SEMA5A: variants seen among roughly 807,000 people sequenced by gnomAD.
The protein encoded by SEMA5A is semaphorin 5A, also known as semaphorin-5A.
SEMA5A carries 55 observed loss-of-function variants against 135.5 expected under a neutral mutation model. That is an observed-to-expected ratio of 0.41 (90% confidence interval 0.33 to 0.51). SEMA5A has a LOEUF of 0.51. Ranked by LOEUF, SEMA5A falls within the 20% of genes least tolerant of loss-of-function variation. The pLI is 0.37. For missense variants in SEMA5A, 1,290 were observed against 1,419.9 expected (o/e 0.91, Z 1.47); for synonymous variants, 580 against 546.5 (o/e 1.06, Z -0.85).
Position 9,527,093 on chromosome 5 carries a change from G to A in SEMA5A, c.-175+18491C>T, listed in dbSNP as rs990453002. ...AGGGAAACACAAGGGATAGTGCAGC[G>A]ACAGGGCTAGTCACAGTGGGCTCAG... On this transcript the variant is annotated intron_variant, in intron 1 of 22. Transcript: ENST00000382496. 4.6e-5 allele frequency among the ~76,000 whole-genome samples: 7 copies of A among 152,244 alleles called. No homozygotes were observed. The East Asian group carries it at 7.8e-4, about 17-fold the overall frequency.
Position 9,038,743 on chromosome 5 carries a change from T to TTC in SEMA5A, c.*4153_*4154insGA. On this transcript the variant is annotated 3_prime_UTR_variant, in exon 23 of 23. Coordinates refer to ENST00000382496, the MANE Select transcript of SEMA5A (RefSeq NM_003966.3). ...CTAAGACTTTGTTCTTTTTTTTTTT[T>TTC]TTTGAGACAGGGTCTCTCTCTGTCA... 6.6e-6 allele frequency: 1 copy of TTC among 151,450 alleles called. No homozygotes were observed. Among genetic ancestry groups the TTC allele is most frequent in the African/African-American group, 2.4e-5 (1 of 41,248 alleles). The allele number at this position is 151,450 out of a possible 1,614,324, so 9.4% of individuals were successfully genotyped here.
intron 11 of SEMA5A, among the ~76,000 whole-genome samples, chr5:9,188,296 A>T (rs1744914543): frequency 1.3e-5 from 2 of 152,236 alleles, no homozygotes; most frequent in Non-Finnish European, 1.5e-5. Context: ...GAACCATGAG[A>T]AATAAATTTC....
chr5:9,323,244 A>G (rs909499526), intron 4 of SEMA5A, among the ~76,000 whole-genome samples: 1 of 152,252 alleles, frequency 6.6e-6, no homozygotes, highest in South Asian at 2.1e-4. Context: ...AGATATACAC[A>G]TTGCCTAACT....
At chr5:9,425,406 A>G (rs1447180234) in intron 2 of SEMA5A, among the ~76,000 whole-genome samples, 1 of 152,162 alleles carries the variant, frequency 6.6e-6, no homozygotes, top group Admixed American at 6.5e-5. Flanking sequence ...CCTGGGGAGG[A>G]GGGAGAATGC....
intron 5 of SEMA5A, among the ~76,000 whole-genome samples, chr5:9,278,696 G>T (rs1029363840): frequency 6.6e-6 from 1 of 152,170 alleles, no homozygotes; most frequent in South Asian, 2.1e-4. Context: ...TATCACACAT[G>T]CCCCAGCTCC....
chr5:9,091,886 T>C (rs546322744), intron 16 of SEMA5A, among the ~76,000 whole-genome samples: 58 of 152,162 alleles, frequency 3.8e-4, no homozygotes, highest in Non-Finnish European at 8.2e-4. Flanking sequence ...TCCTGAAGTC[T>C]CAGTAACCAC....
rs1170217920 is a variant in SEMA5A at position 9,384,571 on chromosome 5, CATAGATAGATAGATAGATAGATAG to C, written c.-77-4572_-77-4549del. Among the ~76,000 whole-genome samples, 84 of 80,436 alleles carry C rather than the reference CATAGATAGATAGATAGATAGATAG, an allele frequency of 1.0e-3. 1 individual carries two copies. Among genetic ancestry groups the C allele is most frequent in the Non-Finnish European group, 1.7e-3 (65 of 38,428 alleles). The allele number at this position is 80,436 out of a possible 152,430, so 52.8% of individuals were successfully genotyped here. On this transcript the variant is annotated intron_variant, in intron 2 of 22. Coordinates refer to ENST00000382496, the MANE Select transcript of SEMA5A (RefSeq NM_003966.3). The stretch of plus-strand genomic sequence containing the variant: ...AGATAGATAGATAGATAGATAGATA[CATAGATAGATAGATAGATAGATAG>C]ATAGATAGATAGATAGATAGATACA...
intron 16 of SEMA5A, among the ~76,000 whole-genome samples, chr5:9,086,533 TG>T (rs1401581795): frequency 6.6e-6 from 1 of 152,194 alleles, no homozygotes; most frequent in Non-Finnish European, 1.5e-5. Flanking sequence ...CCACCATGAT[TG>T]TGATGCCTCC....
At chr5:9,136,179 C>T (rs1272866275) in intron 13 of SEMA5A, among the ~76,000 whole-genome samples, 2 of 151,964 alleles carry the variant, frequency 1.3e-5, no homozygotes, top group Admixed American at 6.6e-5. Context: ...TTTATTAGCG[C>T]TGTAAGGGGC....
chr5:9,510,385 T>C (rs1438021245), intron 1 of SEMA5A, among the ~76,000 whole-genome samples: 2 of 152,226 alleles, frequency 1.3e-5, no homozygotes, highest in Non-Finnish European at 2.9e-5. Context: ...GACATACAAA[T>C]GGCAACTTCA....
At chr5:9,342,499 A>G (rs570785402) in intron 3 of SEMA5A, among the ~76,000 whole-genome samples, 3 of 152,330 alleles carry the variant, frequency 2.0e-5, no homozygotes, top group East Asian at 1.9e-4. Flanking sequence ...CCCACATTGG[A>G]AACTAAGATT....
chr5:9,387,805 G>C (rs890478856), intron 2 of SEMA5A, among the ~76,000 whole-genome samples: 4 of 152,144 alleles, frequency 2.6e-5, no homozygotes, highest in African/African-American at 9.7e-5. Flanking sequence ...TATTATTTGG[G>C]AAATACAGTG....
At chr5:9,223,530 C>A (rs1747120058) in intron 8 of SEMA5A, among the ~76,000 whole-genome samples, 2 of 152,130 alleles carry the variant, frequency 1.3e-5, no homozygotes, top group Non-Finnish European at 2.9e-5. Flanking sequence ...TGCTAGACAT[C>A]CTACTATGCC....
At chr5:9,296,193 G>T (rs57572274) in intron 5 of SEMA5A, among the ~76,000 whole-genome samples, 1 of 152,096 alleles carries the variant, frequency 6.6e-6, no homozygotes, top group African/African-American at 2.4e-5. Context: ...AAAAATATCA[G>T]TTATTTTAAA....
intron 16 of SEMA5A, among the ~76,000 whole-genome samples, chr5:9,083,478 C>T (rs1230093805): frequency 2.0e-5 from 3 of 152,114 alleles, no homozygotes; most frequent in African/African-American, 2.4e-5. Context: ...AATTTAAACA[C>T]GTACATGTTT....
At chr5:9,280,531 A>G (rs1319367985) in intron 5 of SEMA5A, among the ~76,000 whole-genome samples, 2 of 152,198 alleles carry the variant, frequency 1.3e-5, no homozygotes, top group Non-Finnish European at 2.9e-5. Flanking sequence ...GTTACTATTC[A>G]TAGGAGAAGC....
intron 16 of SEMA5A, among the ~76,000 whole-genome samples, chr5:9,077,834 C>T (rs1738150749): frequency 6.6e-6 from 1 of 152,246 alleles, no homozygotes; most frequent in Non-Finnish European, 1.5e-5. Context: ...AAAGCAAACA[C>T]ATACTCCTCT....
chr5:9,150,514 C>T (rs1008299818), intron 12 of SEMA5A, among the ~76,000 whole-genome samples: 3 of 152,042 alleles, frequency 2.0e-5, no homozygotes, highest in Non-Finnish European at 4.4e-5. Context: ...TTTTTTTACT[C>T]GTCTTTGAGG....
At chr5:9,095,512 A>G (rs1334739287) in intron 16 of SEMA5A, among the ~76,000 whole-genome samples, 1 of 152,236 alleles carries the variant, frequency 6.6e-6, no homozygotes, top group African/African-American at 2.4e-5. Flanking sequence ...CTAAAGGGAT[A>G]GTGTTTGGGA....
Sources: gnomAD v4.1 joint callset for allele counts (sites outside exome capture counted in the v4.1 genomes callset) on GRCh38, gnomAD v4.1.1 for gene constraint, MANE v1.5 for transcripts, NCBI Gene and HGNC (gene_info 2026-07-23, HGNC 2026-07-21) for gene names.